The following MYBL2 variants were observed in gnomAD, a reference collection of about 807,000 sequenced individuals.
The protein encoded by MYBL2 is MYB proto-oncogene like 2, also known as myb-related protein B.
MYBL2 carries 28 observed loss-of-function variants against 79.9 expected under a neutral mutation model. The ratio of observed to expected loss-of-function variants is 0.35; its 90% confidence interval spans 0.26 to 0.48. MYBL2 has a LOEUF of 0.48. Among genes scored for constraint, MYBL2 ranks in the 20% least tolerant of loss-of-function variants. The pLI is 0.99. For synonymous variants in MYBL2, 378 were observed against 361.2 expected (o/e 1.05, Z -0.53); for missense variants, 735 against 893.9 (o/e 0.82, Z 2.27).
chr20:43,673,725 G>A, intron 1 of MYBL2, 81 bp from the exon 2 acceptor site: 1 of 1,351,094 alleles, frequency 7.4e-7, no homozygotes, highest in Non-Finnish European at 1.1e-6. Flanking sequence ...CCTAGGGTGG[G>A]CTGGCCGCTG....
At chr20:43,715,911 G>A (rs775262351) in intron 13 of MYBL2, 48 bp from the exon 14 acceptor site, 199 of 1,571,024 alleles carry the variant, frequency 1.3e-4, no homozygotes, top group Non-Finnish European at 1.7e-4. Context: ...GGGTCTGTTG[G>A]GAACACATAG....
At chr20:43,674,258 CAG>C (rs1228674973) in intron 2 of MYBL2, among the ~76,000 whole-genome samples, 7 of 102,000 alleles carry the variant, frequency 6.9e-5, no homozygotes, top group South Asian at 3.5e-4. Flanking sequence ...TTTTTTGAGA[CAG>C]AGTTTCGCTC....
At position 43,681,787 on chromosome 20, in the gene MYBL2, G is replaced by A. The variant is rs763410872; in HGVS notation, c.118G>A (p.Glu40Lys). Residue 40 changes from glutamate (E) to lysine (K), a missense_variant, in exon 3 of 14, where the codon GAG becomes AAG. By Grantham distance (56) the Glu-to-Lys change is moderately conservative. Around this residue, in one of 5 missense-constraint regions of MYBL2, gnomAD observed 79 missense variants for 86.7 expected, o/e 0.91. Transcript: ENST00000217026. ...CCTGTCTTTCTGGTGTTGGCAGGAC[G>A]AGCAGCTGAGGGCCCTGGTGAGGCA... ...CKVKWTHEED[E>K]QLRALVRQFG... 1.2e-5 allele frequency: 20 copies of A among 1,614,204 alleles called. No individual in the cohort carries two copies. In the East Asian group the frequency reaches 3.1e-4, roughly 25 times the overall value.
At chr20:43,668,637 A>G (rs2145702597) in intron 1 of MYBL2, among the ~76,000 whole-genome samples, 1 of 151,286 alleles carries the variant, frequency 6.6e-6, no homozygotes, top group African/African-American at 2.4e-5. Flanking sequence ...TCCCAGGCCA[A>G]TGTCCAGGAA....
At chr20:43,688,324 C>T (rs1045758148) in intron 5 of MYBL2, among the ~76,000 whole-genome samples, 3 of 151,932 alleles carry the variant, frequency 2.0e-5, no homozygotes, top group African/African-American at 7.2e-5. Context: ...GGTTCAGCCT[C>T]CCAAGTAGCT....
At chr20:43,689,088 G>T (rs936260209) in intron 5 of MYBL2, among the ~76,000 whole-genome samples, 2 of 152,132 alleles carry the variant, frequency 1.3e-5, no homozygotes, top group Non-Finnish European at 2.9e-5. Context: ...ACCGCACCTG[G>T]CCCTAAGCTG....
chr20:43,688,262 C>T (rs1454696004), intron 5 of MYBL2, among the ~76,000 whole-genome samples: 1 of 151,658 alleles, frequency 6.6e-6, no homozygotes, highest in Non-Finnish European at 1.5e-5. Flanking sequence ...AGTGCAGTGG[C>T]GTGATCCGGG....
intron 5 of MYBL2, among the ~76,000 whole-genome samples, chr20:43,691,693 C>G (rs1221684226): frequency 6.6e-6 from 1 of 152,116 alleles, no homozygotes; most frequent in African/African-American, 2.4e-5. Flanking sequence ...GCATGTGCCA[C>G]CATGCCTGGC....
chr20:43,687,245 A>C (rs1987298726), intron 5 of MYBL2, among the ~76,000 whole-genome samples, 173 bp downstream of exon 5: 1 of 152,166 alleles, frequency 6.6e-6, no homozygotes, highest in South Asian at 2.1e-4. Context: ...GTGGTTCCCC[A>C]GGGAAGGCCC....
rs150846392 is a variant in MYBL2 at position 43,715,184 on chromosome 20, A to G, written c.1875A>G (p.Lys625=). The stretch of plus-strand genomic sequence containing the variant: ...CCAGCCTCACCCTGTCAGGTATCAA[A>G]GAAGACAACAGCTTGCTCAACCAGG... ...NSSSLTLSGI[K]EDNSLLNQGF... The change falls in exon 13 of 14, where the codon AAA becomes AAG. Residue 625 remains lysine, a synonymous_variant. Coordinates refer to ENST00000217026, the MANE Select transcript of MYBL2 (RefSeq NM_002466.4). The G allele has an allele frequency of 3.7e-6, 6 of 1,614,126 alleles. No homozygotes were observed. In the African/African-American group the frequency reaches 8.0e-5, roughly 22 times the overall value.
Position 43,692,191 on chromosome 20 carries a change from A to G in MYBL2, c.535A>G (p.Thr179Ala), listed in dbSNP as rs1402853562. The G allele has an allele frequency of 6.2e-6, 10 of 1,614,024 alleles. No individual in the cohort carries two copies. Among genetic ancestry groups the G allele is most frequent in the African/African-American group, 1.3e-5 (1 of 74,916 alleles). ...TGCTGTGAAGAATCACTGGAACTCTACCATCAAAAGGAAGGTGGACACAGG... is the reference window on the plus strand; with the variant it reads ...TGCTGTGAAGAATCACTGGAACTCTGCCATCAAAAGGAAGGTGGACACAGG... ...DNAVKNHWNS[T>A]IKRKVDTGGF... The change falls in exon 6 of 14, where the codon ACC becomes GCC. Residue 179 changes from threonine to alanine, a missense_variant. Physicochemically the swap from Thr to Ala is moderately conservative, Grantham distance 58. This residue lies in a region of MYBL2 where 65 missense variants were observed against 145.2 expected (regional missense o/e 0.45). Transcript: ENST00000217026.
At chr20:43,672,969 A>G (rs1480885143) in intron 1 of MYBL2, among the ~76,000 whole-genome samples, 1 of 152,094 alleles carries the variant, frequency 6.6e-6, no homozygotes, top group Non-Finnish European at 1.5e-5. Flanking sequence ...TTTTTGAGAC[A>G]GTCTTGCTTT....
chr20:43,672,126 G>A (rs370790428), intron 1 of MYBL2, among the ~76,000 whole-genome samples: 36 of 100,668 alleles, frequency 3.6e-4, no homozygotes, highest in African/African-American at 1.2e-3. Context: ...CAGGAGAATC[G>A]CCTGAACCTG....
intron 9 of MYBL2, among the ~76,000 whole-genome samples, chr20:43,707,614 G>A (rs1354183096): frequency 1.3e-5 from 2 of 151,956 alleles, no homozygotes; most frequent in East Asian, 1.9e-4. Context: ...GGCTGGTCTC[G>A]AACTCCTGAC....
At chr20:43,712,100 G>A (rs1449245984) in intron 11 of MYBL2, among the ~76,000 whole-genome samples, 4 of 151,666 alleles carry the variant, frequency 2.6e-5, no homozygotes, top group African/African-American at 9.7e-5. Flanking sequence ...GGGTGGGGGA[G>A]TGGGTTCAGG....
chr20:43,709,235 C>G (rs285171), intron 9 of MYBL2, among the ~76,000 whole-genome samples: 114,688 of 152,024 alleles, frequency 0.75, 44,272 homozygotes, highest in Non-Finnish European at 0.84. Flanking sequence ...AGGTCACATA[C>G]CAGCACACAA....
At chr20:43,704,638 C>T (rs1480329718) in intron 8 of MYBL2, among the ~76,000 whole-genome samples, 1 of 152,140 alleles carries the variant, frequency 6.6e-6, no homozygotes, top group Admixed American at 6.5e-5. Context: ...TGGATGTTGG[C>T]TTAGATCTAG....
intron 5 of MYBL2, among the ~76,000 whole-genome samples, chr20:43,690,478 C>G (rs940595703): frequency 4.0e-5 from 6 of 151,612 alleles, no homozygotes; most frequent in African/African-American, 1.5e-4. Flanking sequence ...CAGATAAAGT[C>G]ATAGTAGAAG....
At position 43,716,044 on chromosome 20, in the gene MYBL2, G is replaced by T. The variant is rs371681520; in HGVS notation, c.2060G>T (p.Arg687Leu). ...MQEKARQLLG[R>L]LKPSHTSRTL... The stretch of plus-strand genomic sequence containing the variant: ...GAGAAAGCCCGGCAGCTCCTGGGCC[G>T]CCTGAAGCCCAGCCACACATCTCGG... Residue 687 changes from arginine to leucine, a missense_variant, in exon 14 of 14, where the codon CGC (arginine) becomes CTC (leucine). By Grantham distance (102) the Arg-to-Leu change is moderately radical. Coordinates refer to ENST00000217026, the MANE Select transcript of MYBL2 (RefSeq NM_002466.4). 1.9e-6 allele frequency: 3 copies of T among 1,610,636 alleles called. No individual in the cohort carries two copies. The highest frequency in any genetic ancestry group is 2.2e-5 in the South Asian group (2 of 91,034).
Sources: allele counts gnomAD v4.1 joint callset (sites outside exome capture counted in the v4.1 genomes callset), GRCh38; gene constraint gnomAD v4.1.1; regional missense constraint gnomAD v4.1.1; transcripts MANE v1.5; gene names NCBI Gene and HGNC (gene_info 2026-07-23, HGNC 2026-07-21).